Variants in HIVEP3 observed in about 807,000 individuals in gnomAD.
HIVEP3 encodes the protein transcription factor HIVEP3.
Under a neutral mutation model 152.8 loss-of-function variants are expected in HIVEP3, and 49 were observed. That is an observed-to-expected ratio of 0.32 (90% confidence interval 0.26 to 0.41). The LOEUF is 0.41. Ranked by LOEUF, HIVEP3 falls within the 10% of genes least tolerant of loss-of-function variation. The pLI is 1.00. For synonymous variants in HIVEP3, 1,269 were observed against 1,289.0 expected, an observed-to-expected ratio of 0.98 and a Z score of 0.33; for missense variants, 2,790 against 3,103.3, an observed-to-expected ratio of 0.90 and a Z score of 2.40.
At chr1:41,631,886 A>G (rs1419791665) in intron 2 of HIVEP3, among the ~76,000 whole-genome samples, 1 of 152,100 alleles carries the variant, frequency 6.6e-6, no homozygotes, top group Non-Finnish European at 1.5e-5. Context: ...CTATTCTACA[A>G]ACACAATCTA....
intron 5 of HIVEP3, among the ~76,000 whole-genome samples, chr1:41,530,716 G>A (rs183678927): frequency 6.6e-5 from 10 of 152,304 alleles, no homozygotes; most frequent in Non-Finnish European, 1.3e-4. Context: ...CCACTCTGAC[G>A]TCTACTGGGC....
intron 1 of HIVEP3, among the ~76,000 whole-genome samples, chr1:41,806,386 C>A (rs1650610628): frequency 6.6e-6 from 1 of 152,224 alleles, no homozygotes; most frequent in South Asian, 2.1e-4. Context: ...CTCCCTTCAC[C>A]CCCTCTGAAG....
At chr1:41,699,760 T>C (rs1646333312) in intron 2 of HIVEP3, among the ~76,000 whole-genome samples, 1 of 152,102 alleles carries the variant, frequency 6.6e-6, no homozygotes, top group Non-Finnish European at 1.5e-5. Flanking sequence ...TTCTGTAGAT[T>C]CTGACATGTG....
chr1:41,697,824 A>G (rs900404822), intron 2 of HIVEP3, among the ~76,000 whole-genome samples: 1 of 152,144 alleles, frequency 6.6e-6, no homozygotes, highest in African/African-American at 2.4e-5. Flanking sequence ...ATTTTAATTG[A>G]GGGCCTGCTA....
At chr1:41,859,453 G>T in intron 1 of HIVEP3, among the ~76,000 whole-genome samples, 1 of 152,026 alleles carries the variant, frequency 6.6e-6, no homozygotes. Flanking sequence ...TCTACATACC[G>T]CTTAGTACCT....
chr1:41,532,730 G>A (rs974557776), intron 5 of HIVEP3, among the ~76,000 whole-genome samples: 10 of 152,114 alleles, frequency 6.6e-5, no homozygotes, highest in Non-Finnish European at 1.2e-4. Context: ...CGAGCTTGGG[G>A]GGAAGTGATG....
At chr1:41,883,855 A>G (rs988845774) in intron 1 of HIVEP3, among the ~76,000 whole-genome samples, 3 of 152,240 alleles carry the variant, frequency 2.0e-5, no homozygotes, top group Admixed American at 2.0e-4. Flanking sequence ...GTAACCATAC[A>G]TACTTAAGCT....
intron 1 of HIVEP3, among the ~76,000 whole-genome samples, chr1:41,810,373 C>A (rs968336182): frequency 1.3e-5 from 2 of 152,226 alleles, no homozygotes; most frequent in African/African-American, 2.4e-5. Flanking sequence ...TCAGGGCCCA[C>A]TAGTTGACTC....
At chr1:41,966,634 C>A (rs1299884633) in intron 1 of HIVEP3, among the ~76,000 whole-genome samples, 1 of 148,648 alleles carries the variant, frequency 6.7e-6, no homozygotes, top group Non-Finnish European at 1.5e-5. Context: ...TCACCGTGCC[C>A]AGCTAATTTT....
chr1:41,594,808 C>T (rs1034510766), intron 3 of HIVEP3, among the ~76,000 whole-genome samples: 2 of 152,144 alleles, frequency 1.3e-5, no homozygotes, highest in Non-Finnish European at 2.9e-5. Flanking sequence ...GAATGTCACC[C>T]AAATTTTCTT....
chr1:41,797,929 G>A lies in HIVEP3; in HGVS notation c.-800-96934C>T, dbSNP rs1238730682. Among the ~76,000 whole-genome samples, 3 of 151,902 alleles carry A rather than the reference G, an allele frequency of 2.0e-5. No individual in the cohort carries two copies. The South Asian group carries it at 6.2e-4, about 32-fold the overall frequency. On this transcript the variant is annotated intron_variant, in intron 1 of 8. Coordinates refer to ENST00000372583, the MANE Select transcript of HIVEP3 (RefSeq NM_024503.5). ...CAGGTGGCAGAGGTTGCAGTGAGCC[G>A]AGATCGCACCATGGTACTCTAGCCT...
At chr1:41,834,038 C>T (rs1643045877) in intron 1 of HIVEP3, among the ~76,000 whole-genome samples, 2 of 152,092 alleles carry the variant, frequency 1.3e-5, no homozygotes, top group African/African-American at 4.8e-5. Context: ...ACCAGGAATC[C>T]CCAGCATGGT....
intron 1 of HIVEP3, among the ~76,000 whole-genome samples, chr1:41,972,281 T>C (rs958384738): frequency 4.6e-5 from 7 of 152,220 alleles, no homozygotes; most frequent in African/African-American, 1.2e-4. Context: ...ACAAGATCCA[T>C]GTCATGGTCC....
intron 1 of HIVEP3, among the ~76,000 whole-genome samples, chr1:41,755,209 A>C (rs1424811550): frequency 2.6e-5 from 4 of 152,228 alleles, no homozygotes; most frequent in Non-Finnish European, 5.9e-5. Flanking sequence ...AAGGAAGCAT[A>C]GTTTTTTTTT....
chr1:41,963,412 C>A (rs931869886), intron 1 of HIVEP3, among the ~76,000 whole-genome samples: 2 of 151,908 alleles, frequency 1.3e-5, no homozygotes, highest in Non-Finnish European at 2.9e-5. Context: ...CCAGCTTCAT[C>A]CATGTCCTTA....
intron 2 of HIVEP3, among the ~76,000 whole-genome samples, chr1:41,636,178 C>T (rs556176400): frequency 9.2e-5 from 14 of 152,058 alleles, no homozygotes; most frequent in Admixed American, 2.0e-4. Flanking sequence ...CAAACAAATC[C>T]GCAGGTAAAA....
At chr1:41,692,474 T>C (rs940939388) in intron 2 of HIVEP3, among the ~76,000 whole-genome samples, 7 of 152,182 alleles carry the variant, frequency 4.6e-5, no homozygotes. Context: ...CAACAATCTA[T>C]GTTAAATAAG....
In HIVEP3 at chr1:41,799,575, A is replaced by G. The variant is rs372532322; in HGVS notation, c.-800-98580T>C. 7.9e-4 allele frequency among the ~76,000 whole-genome samples: 121 copies of G among 152,228 alleles called. 2 individuals are homozygous for G. The highest frequency in any genetic ancestry group is 2.6e-3 in the African/African-American group (110 of 41,528). On this transcript the variant is annotated intron_variant, in intron 1 of 8. Coordinates refer to ENST00000372583, the MANE Select transcript of HIVEP3 (RefSeq NM_024503.5). Reference sequence around the variant, plus strand: ...CTATAAATGTGTTTCTCGCCTGTAAATCGTCTTGCTTCTTGCTCTCTCCTG... The same window carrying G: ...CTATAAATGTGTTTCTCGCCTGTAAGTCGTCTTGCTTCTTGCTCTCTCCTG...
At chr1:41,928,866 C>G (rs1302185510) in intron 1 of HIVEP3, among the ~76,000 whole-genome samples, 1 of 152,162 alleles carries the variant, frequency 6.6e-6, no homozygotes, top group African/African-American at 2.4e-5. Flanking sequence ...GTCTTACTGG[C>G]TGGGTGAGGT....
Sources: allele counts gnomAD v4.1 joint callset (sites outside exome capture counted in the v4.1 genomes callset), GRCh38; gene constraint gnomAD v4.1.1; transcripts MANE v1.5; gene names NCBI Gene and HGNC (gene_info 2026-07-23, HGNC 2026-07-21).